Variants in ECT2L observed in about 807,000 individuals in gnomAD.
The protein encoded by ECT2L is epithelial cell-transforming sequence 2 oncogene-like.
In ECT2L, 126 loss-of-function variants were observed where a neutral mutation model predicts 122.8. That is an observed-to-expected ratio of 1.03 (90% CI 0.89 to 1.19). ECT2L has a LOEUF of 1.19. Ranked by LOEUF, ECT2L falls within the 50% of genes most tolerant of loss-of-function variation. The probability of loss-of-function intolerance (pLI) is 0.00; values close to 1 mark genes in which losing one functional copy is unlikely to be tolerated. For missense variants in ECT2L, 1,012 were observed against 1,064.1 expected, an observed-to-expected ratio of 0.95 and a Z score of 0.68; for synonymous variants, 385 against 381.8, an observed-to-expected ratio of 1.01 and a Z score of -0.10.
chr6:138,806,205 A>C (rs979894919), intron 1 of ECT2L, among the ~76,000 whole-genome samples: 4 of 152,148 alleles, frequency 2.6e-5, no homozygotes, highest in Admixed American at 6.5e-5. Flanking sequence ...CCCAGCTTAA[A>C]ATGGTAGCTC....
chr6:138,901,963 G>A (rs1779409711), intron 21 of ECT2L, among the ~76,000 whole-genome samples: 1 of 152,198 alleles, frequency 6.6e-6, no homozygotes, highest in African/African-American at 2.4e-5. Context: ...ACAAACTCAG[G>A]TTAAAAAGGC....
In ECT2L at chr6:138,796,091, C is replaced by T. The variant is rs1775331049; in HGVS notation, c.-345C>T. The T allele has an allele frequency of 6.6e-6, 1 of 152,582 alleles. No homozygotes were observed. The highest frequency in any genetic ancestry group is 2.1e-4 in the South Asian group (1 of 4,830). 9.5% of individuals were successfully genotyped at this position (152,582 alleles called of 1,614,324 possible). A position where few individuals can be genotyped will look rare whatever the true frequency, so the allele number is the denominator to read the frequency against. On this transcript the variant is annotated 5_prime_UTR_variant, in exon 1 of 22. Coordinates refer to ENST00000541398, the MANE Select transcript of ECT2L (RefSeq NM_001077706.3). ...AGATGACCCTGTCCCTGCCCCACCC[C>T]TCTCCGGAGCTGCGGCCCGAGTTGG...
intron 16 of ECT2L, among the ~76,000 whole-genome samples, chr6:138,884,871 G>A (rs1348089152): frequency 6.6e-6 from 1 of 151,824 alleles, no homozygotes; most frequent in Non-Finnish European, 1.5e-5. Flanking sequence ...GAAAACTGAG[G>A]CTCAGAAAAG....
At chr6:138,816,303 T>C (rs1376624873) in intron 4 of ECT2L, among the ~76,000 whole-genome samples, 1 of 152,206 alleles carries the variant, frequency 6.6e-6, no homozygotes, top group African/African-American at 2.4e-5. Context: ...TTTTTGTCAC[T>C]GGAAATTGCA....
At chr6:138,878,493 C>G (rs1380266881) in intron 14 of ECT2L, among the ~76,000 whole-genome samples, 1 of 152,184 alleles carries the variant, frequency 6.6e-6, no homozygotes, top group Non-Finnish European at 1.5e-5. Context: ...GTTGCCCAGG[C>G]TGGAGTGCGG....
intron 5 of ECT2L, among the ~76,000 whole-genome samples, chr6:138,838,916 G>A (rs1031703262): frequency 9.9e-5 from 15 of 152,094 alleles, no homozygotes; most frequent in African/African-American, 3.4e-4. Context: ...TGAGTAGCTG[G>A]GATTACAGGC....
intron 7 of ECT2L, among the ~76,000 whole-genome samples, chr6:138,845,804 C>T (rs1777200564): frequency 6.6e-6 from 1 of 152,172 alleles, no homozygotes; most frequent in Non-Finnish European, 1.5e-5. Flanking sequence ...GGCATGATGG[C>T]TCACGCTTAT....
In ECT2L at chr6:138,846,654, T is replaced by C. The variant is rs755695050; in HGVS notation, c.880T>C (p.Ser294Pro). ...TCTCCGGCCACACTTCATGTTAATA[T>C]CATCCCGGATTCCTGCGTATGAGGT... ...YALRPHFMLI[S>P]SRIPAYEMVM... Residue 294 changes from serine (S) to proline (P), a missense_variant, in exon 8 of 22, where the codon TCA (serine) becomes CCA (proline). Ser to Pro is a moderately conservative substitution (Grantham distance 74, BLOSUM62 -1). Coordinates refer to ENST00000541398, the MANE Select transcript of ECT2L (RefSeq NM_001077706.3). 32 of 1,605,762 alleles carry C rather than the reference T, an allele frequency of 2.0e-5. 1 individual carries two copies. The highest frequency in any genetic ancestry group is 4.5e-5 in the South Asian group (4 of 89,172).
intron 10 of ECT2L, among the ~76,000 whole-genome samples, chr6:138,854,387 A>G (rs750292242): frequency 2.6e-5 from 4 of 152,204 alleles, no homozygotes; most frequent in Non-Finnish European, 5.9e-5. Flanking sequence ...ACCCAGGAGC[A>G]TTATTTATAT....
intron 1 of ECT2L, among the ~76,000 whole-genome samples, chr6:138,803,392 G>A (rs374671265): frequency 1.4e-4 from 21 of 151,882 alleles, no homozygotes; most frequent in Non-Finnish European, 2.6e-4. Flanking sequence ...CAGAGACAGC[G>A]ACTATTCTTT....
chr6:138,869,954 T>C (rs1430117346), intron 13 of ECT2L, among the ~76,000 whole-genome samples: 2 of 152,156 alleles, frequency 1.3e-5, no homozygotes, highest in African/African-American at 4.8e-5. Flanking sequence ...TTGTGACAAA[T>C]TGTTGAGAAC....
In ECT2L at chr6:138,865,019, C is replaced by T. The variant is rs754555243; in HGVS notation, c.1315C>T (p.Gln439Ter). ...AGTTCTTAGTGATTGGCTGGGATCC[C>T]AATGGGGAAAGGCCCCCTCTTCCAT... The part of the protein sequence containing the change: ...QHILSDWLGS[Q>*]WGKAPSSIYF... The change falls in exon 12 of 22, where the codon CAA (glutamine) becomes TAA (stop). Residue 439 changes from glutamine to a stop codon, truncating the protein, a stop_gained. Transcript: ENST00000541398. LOFTEE classifies it high-confidence loss of function. 1.5e-5 allele frequency: 25 copies of T among 1,613,166 alleles called. No individual in the cohort carries two copies. The highest frequency in any genetic ancestry group is 1.9e-5 in the Non-Finnish European group (23 of 1,179,770).
chr6:138,854,799 TG>T (rs1777562249), intron 10 of ECT2L, among the ~76,000 whole-genome samples: 1 of 152,232 alleles, frequency 6.6e-6, no homozygotes, highest in African/African-American at 2.4e-5. Context: ...AGTGGCTGCC[TG>T]TCTAGAATCA....
At chr6:138,825,685 G>T (rs1224217042) in intron 4 of ECT2L, among the ~76,000 whole-genome samples, 1 of 152,176 alleles carries the variant, frequency 6.6e-6, no homozygotes. Context: ...TTACACTTCT[G>T]TGCATTCGTA....
intron 10 of ECT2L, among the ~76,000 whole-genome samples, chr6:138,858,256 A>C (rs1162888786): frequency 6.6e-6 from 1 of 152,112 alleles, no homozygotes; most frequent in African/African-American, 2.4e-5. Context: ...TGGAATCTTC[A>C]TACTGGATGT....
intron 13 of ECT2L, among the ~76,000 whole-genome samples, chr6:138,874,378 A>G (rs1778368232): frequency 6.6e-6 from 1 of 152,238 alleles, no homozygotes; most frequent in Non-Finnish European, 1.5e-5. Context: ...ATAGCATCGG[A>G]ATCTAAAATT....
intron 4 of ECT2L, among the ~76,000 whole-genome samples, chr6:138,824,307 TA>T (rs199724375): frequency 1.3e-4 from 20 of 150,520 alleles, no homozygotes; most frequent in South Asian, 1.0e-3. Flanking sequence ...TAAAAGAAGT[TA>T]AAAAAAAACC....
chr6:138,842,138 G>A (rs1240694134), intron 5 of ECT2L, among the ~76,000 whole-genome samples: 5 of 152,170 alleles, frequency 3.3e-5, no homozygotes, highest in Non-Finnish European at 7.3e-5. Flanking sequence ...GTCAAGTTCA[G>A]ATAGTAAGTC....
At chr6:138,867,922 T>A (rs1778104560) in intron 12 of ECT2L, among the ~76,000 whole-genome samples, 181 bp from the exon 13 acceptor site, 2 of 143,916 alleles carry the variant, frequency 1.4e-5, no homozygotes, top group African/African-American at 5.3e-5. Flanking sequence ...GGTGGGAGGA[T>A]CACTTGGATC....
Sources: gnomAD v4.1 joint callset for allele counts (sites outside exome capture counted in the v4.1 genomes callset) on GRCh38, gnomAD v4.1.1 for gene constraint, MANE v1.5 for transcripts, NCBI Gene and HGNC (gene_info 2026-07-23, HGNC 2026-07-21) for gene names.